PSMA6: variants seen among roughly 807,000 people sequenced by gnomAD.
PSMA6 encodes the protein proteasome subunit alpha type-6.
For synonymous variants in PSMA6, 88 were observed against 97.7 expected (o/e 0.90, Z 0.59); for missense variants, 170 against 294.8 (o/e 0.58, Z 3.10).
At chr14:35,281,574 A>T (rs543027048) in intron 1 of PSMA6, among the ~76,000 whole-genome samples, 1 of 152,294 alleles carries the variant, frequency 6.6e-6, no homozygotes, top group African/African-American at 2.4e-5. Flanking sequence ...ACAATTATAT[A>T]AAAAATAGTA....
chr14:35,279,482 C>G (rs539085045), intron 1 of PSMA6, among the ~76,000 whole-genome samples: 15 of 152,296 alleles, frequency 9.8e-5, no homozygotes, highest in African/African-American at 3.6e-4. Flanking sequence ...TTGCTTTGTT[C>G]AGAAGGAAAT....
intron 4 of PSMA6, 81 bp downstream of exon 4, chr14:35,310,976 C>A: frequency 7.3e-7 from 1 of 1,371,150 alleles, no homozygotes; most frequent in South Asian, 1.3e-5. Flanking sequence ...ATTTAAATAA[C>A]ACTTGAGTTC....
chr14:35,305,840 C>A (rs2051814558), intron 1 of PSMA6, among the ~76,000 whole-genome samples: 1 of 152,198 alleles, frequency 6.6e-6, no homozygotes, highest in South Asian at 2.1e-4. Flanking sequence ...GTGGCTCATG[C>A]CTGTAATCCT....
chr14:35,303,366 C>G (rs1237301510), intron 1 of PSMA6, among the ~76,000 whole-genome samples: 1 of 152,160 alleles, frequency 6.6e-6, no homozygotes, highest in African/African-American at 2.4e-5. Flanking sequence ...GGGACTCTCA[C>G]TCTCTAGTGC....
At chr14:35,278,639 C>T (rs2051331269) in exon 1 of PSMA6, 1 of 1,530,362 alleles carries the variant, frequency 6.5e-7, no homozygotes, top group Non-Finnish European at 8.8e-7. Context: ...GGGTAGTGTC[C>T]TAGGCTGGGA....
intron 1 of PSMA6, among the ~76,000 whole-genome samples, chr14:35,306,035 G>T (rs760212418): frequency 6.6e-6 from 1 of 152,146 alleles, no homozygotes; most frequent in Non-Finnish European, 1.5e-5. Context: ...AGACCAGCCT[G>T]GGCAACATGG....
At chr14:35,315,022 T>TTA (rs2052019968) in intron 6 of PSMA6, 1 of 149,694 alleles carries the variant, frequency 6.7e-6, no homozygotes, top group Non-Finnish European at 1.5e-5. Flanking sequence ...CACATCAGCC[T>TTA]TATAGCTTCC....
intron 4 of PSMA6, 44 bp downstream of exon 4, chr14:35,310,939 C>T: frequency 6.4e-7 from 1 of 1,568,258 alleles, no homozygotes; most frequent in Non-Finnish European, 8.7e-7. Flanking sequence ...TGAATTGAAA[C>T]TTTTTACAGA....
At chr14:35,291,581 T>C (rs558151389), upstream of PSMA6, among the ~76,000 whole-genome samples, 2 of 151,922 alleles carry the variant, frequency 1.3e-5, no homozygotes, top group African/African-American at 4.8e-5. Context: ...CCCAGCACTC[T>C]GGGAGGCCGA....
At chr14:35,278,559 G>C (rs2051330106), upstream of PSMA6, 10 of 753,420 alleles carry the variant, frequency 1.3e-5, no homozygotes, top group Non-Finnish European at 2.2e-5. Flanking sequence ...TCAGAACAGA[G>C]AATGTCAGTA....
chr14:35,288,530 C>A (rs961781212), upstream of PSMA6, among the ~76,000 whole-genome samples: 2 of 152,118 alleles, frequency 1.3e-5, no homozygotes, highest in African/African-American at 2.4e-5. Context: ...ACAACAACAA[C>A]AAAAACAGAT....
At chr14:35,288,598 G>A (rs756138548), upstream of PSMA6, among the ~76,000 whole-genome samples, 2 of 152,322 alleles carry the variant, frequency 1.3e-5, no homozygotes, top group East Asian at 1.9e-4. Flanking sequence ...TTATGTTTGT[G>A]TTGAAAATGA....
chr14:35,288,694 A>G (rs1310150600), upstream of PSMA6, among the ~76,000 whole-genome samples: 4 of 152,218 alleles, frequency 2.6e-5, no homozygotes, highest in East Asian at 7.7e-4. Flanking sequence ...ATACCATACC[A>G]CAAGAGGGGA....
intron 4 of PSMA6, among the ~76,000 whole-genome samples, chr14:35,311,864 T>C (rs2051950780): frequency 6.6e-6 from 1 of 152,116 alleles, no homozygotes; most frequent in Non-Finnish European, 1.5e-5. Context: ...TGTAAGTGTA[T>C]TTCAGTTTGT....
At chr14:35,281,199 T>G (rs2051362988) in intron 1 of PSMA6, among the ~76,000 whole-genome samples, 1 of 152,130 alleles carries the variant, frequency 6.6e-6, no homozygotes, top group Non-Finnish European at 1.5e-5. Context: ...CCTCCTTTGG[T>G]CTCCATCTTT....
intron 4 of PSMA6, among the ~76,000 whole-genome samples, chr14:35,312,199 T>TAAA (rs35606504): frequency 1.0e-5 from 1 of 97,398 alleles, no homozygotes; most frequent in Non-Finnish European, 2.0e-5. Context: ...CCTCGTCTCC[T>TAAA]AAAAAAAAAA....
intron 1 of PSMA6, among the ~76,000 whole-genome samples, chr14:35,303,259 G>T (rs75460507): frequency 6.6e-6 from 1 of 152,068 alleles, no homozygotes; most frequent in Non-Finnish European, 1.5e-5. Context: ...AATCTCACTC[G>T]GTTTCTTTTA....
At chr14:35,285,723 G>A (rs73239081) in intron 1 of PSMA6, among the ~76,000 whole-genome samples, 1 of 152,198 alleles carries the variant, frequency 6.6e-6, no homozygotes, top group Non-Finnish European at 1.5e-5. Context: ...GGAGCTGAGG[G>A]TGGGGGTGGG....
chr14:35,309,044 T>C (rs762222992), intron 3 of PSMA6, 49 bp downstream of exon 3: 1 of 1,314,480 alleles, frequency 7.6e-7, no homozygotes, highest in Admixed American at 2.2e-5. Context: ...ACAAGCCTTT[T>C]GTTATTTTCT....
Sources: gnomAD v4.1 joint callset for allele counts (sites outside exome capture counted in the v4.1 genomes callset) on GRCh38, gnomAD v4.1.1 for gene constraint, MANE v1.5 for transcripts, NCBI Gene and HGNC (gene_info 2026-07-23, HGNC 2026-07-21) for gene names.